Variants in AGAP1 observed in about 807,000 individuals in gnomAD.
AGAP1 encodes ArfGAP with GTPase domain, ankyrin repeat and PH domain 1.
A neutral mutation model predicts 105.3 loss-of-function variants in AGAP1; 29 were observed. The observed-to-expected ratio is 0.28, with a 90% CI of 0.21 to 0.38. The LOEUF (loss-of-function observed/expected upper bound fraction) is 0.38. Among genes scored for constraint, AGAP1 ranks in the 10% least tolerant of loss-of-function variants. The pLI, the probability that AGAP1 is intolerant of heterozygous loss-of-function variation, is 1.00. For synonymous variants in AGAP1, 509 were observed against 485.9 expected (o/e 1.05, Z -0.63); for missense variants, 998 against 1,165.1 (o/e 0.86, Z 2.09).
rs2060058810 is a variant in AGAP1, at chr2:236,129,779, A to G, written c.*5657A>G. The G allele has an allele frequency of 6.6e-6, 1 of 152,204 alleles. No individual in the cohort carries two copies. Among genetic ancestry groups the G allele is most frequent in the Non-Finnish European group, 1.5e-5 (1 of 68,050 alleles). The allele number at this position is 152,204 out of a possible 1,614,324, so 9.4% of individuals were successfully genotyped here. ...GTCCGCATTGGCAGGTGATTCTGGA[A>G]AGGGATTCTGGGAAACCAACAAGTC... On this transcript the variant is annotated 3_prime_UTR_variant, in exon 18 of 18. Transcript: ENST00000304032. This position sits in a 1 kb window ranked among gnomAD's most constrained non-coding sequence, Gnocchi z 6.2.
intron 3 of AGAP1, among the ~76,000 whole-genome samples, chr2:235,730,291 A>G (rs1022284529): frequency 6.6e-6 from 1 of 152,068 alleles, no homozygotes; most frequent in Non-Finnish European, 1.5e-5. Flanking sequence ...GTAACTGCCA[A>G]GGGTCCCCTG....
At position 235,803,869 on chromosome 2, in the gene AGAP1, G is replaced by GA. The variant is rs1203375795; in HGVS notation, c.958-3362dup. On this transcript the variant is annotated intron_variant, in intron 8 of 17. Transcript: ENST00000304032. ...ATATTTTATTTCACTTATTTCTTTG[G>GA]AAAAAAAACAAACATTAAAAGACTG... 2.6e-5 allele frequency among the ~76,000 whole-genome samples: 4 copies of GA among 151,134 alleles called. No homozygotes were observed. In the South Asian group the frequency reaches 8.4e-4, roughly 32 times the overall value.
rs2125918986 is a variant in AGAP1 at position 236,105,537 on chromosome 2, G to T, written c.2115-14655G>T. ...CTCATGTGGAGGAGAGAGGAGAGGG[G>T]CATCTCTCGTGTCTTTTTTTTTTTT... On this transcript the variant is annotated intron_variant, in intron 16 of 17. Transcript: ENST00000304032. The surrounding 1 kb of genome is among the most constrained non-coding windows in gnomAD (Gnocchi z 4.2). 6.6e-6 allele frequency among the ~76,000 whole-genome samples: 1 copy of T among 150,874 alleles called. No homozygotes were observed. Among genetic ancestry groups the T allele is most frequent in the South Asian group, 2.1e-4 (1 of 4,730 alleles).
intron 1 of AGAP1, among the ~76,000 whole-genome samples, chr2:235,678,310 G>C (rs1948869379): frequency 6.6e-6 from 1 of 152,220 alleles, no homozygotes; most frequent in Non-Finnish European, 1.5e-5. Flanking sequence ...CACTCTGGAT[G>C]TGTAATTTGG....
chr2:235,991,540 C>G (rs966806231), intron 13 of AGAP1, among the ~76,000 whole-genome samples: 5 of 152,130 alleles, frequency 3.3e-5, no homozygotes, highest in African/African-American at 1.2e-4. Flanking sequence ...TGAGACCCCA[C>G]CTCTTAAAAA....
chr2:235,870,256 C>T (rs569797842), intron 9 of AGAP1, among the ~76,000 whole-genome samples: 1 of 152,310 alleles, frequency 6.6e-6, no homozygotes, highest in Non-Finnish European at 1.5e-5. Flanking sequence ...GTGGTCCTCC[C>T]CATCGGAAGA....
chr2:235,573,189 C>T (rs1251623139), intron 1 of AGAP1, among the ~76,000 whole-genome samples: 2 of 150,170 alleles, frequency 1.3e-5, no homozygotes, highest in Non-Finnish European at 3.0e-5. Flanking sequence ...CACCCTGGAT[C>T]TCCTGGGCTC....
chr2:235,638,965 A>G (rs1293883716), intron 1 of AGAP1, among the ~76,000 whole-genome samples: 4 of 152,196 alleles, frequency 2.6e-5, no homozygotes, highest in African/African-American at 9.7e-5. Context: ...AAATGTCTTC[A>G]GGCAATCCAG....
intron 10 of AGAP1, among the ~76,000 whole-genome samples, chr2:235,902,543 T>G (rs747643915): frequency 3.9e-5 from 6 of 152,196 alleles, no homozygotes; most frequent in Non-Finnish European, 8.8e-5. Context: ...TCATATAACA[T>G]CAAAAATTTT....
At chr2:235,768,608 G>A (rs898061760) in intron 6 of AGAP1, among the ~76,000 whole-genome samples, 3 of 152,242 alleles carry the variant, frequency 2.0e-5, no homozygotes, top group Non-Finnish European at 4.4e-5. Flanking sequence ...TCTGTGGGGA[G>A]CCAATGGGTA....
intron 15 of AGAP1, among the ~76,000 whole-genome samples, chr2:236,048,117 A>C (rs2057777895): frequency 1.3e-5 from 2 of 152,246 alleles, no homozygotes; most frequent in African/African-American, 2.4e-5. Context: ...CAGAGTAAGC[A>C]TTGCCTATTC....
intron 13 of AGAP1, among the ~76,000 whole-genome samples, chr2:236,029,446 T>C (rs531802377): frequency 2.0e-5 from 3 of 151,754 alleles, no homozygotes; most frequent in Admixed American, 2.0e-4. Flanking sequence ...CAGCCATTTT[T>C]TTTTTTTTTT....
At position 235,700,988 on chromosome 2, in the gene AGAP1, TTATATATG is replaced by T. The variant is rs1950223923; in HGVS notation, c.164-8190_164-8183del. Among the ~76,000 whole-genome samples, 6 of 86,922 alleles carry T rather than the reference TTATATATG, an allele frequency of 6.9e-5. No homozygotes were observed. The East Asian group carries it at 3.1e-3, about 45-fold the overall frequency. 57.0% of individuals were successfully genotyped at this position (86,922 alleles called of 152,430 possible). ...TATGTATATATTATATATGTATATATTATATATGCTATAATATAGTTATATGTATATAT... is the reference window on the plus strand; with the variant it reads ...TATGTATATATTATATATGTATATATCTATAATATAGTTATATGTATATAT... On this transcript the variant is annotated intron_variant, in intron 1 of 17. Transcript: ENST00000304032. The surrounding 1 kb of genome is among the most constrained non-coding windows in gnomAD (Gnocchi z 6.1).
At position 236,089,592 on chromosome 2, in the gene AGAP1, G is replaced by A. The variant is rs929331676; in HGVS notation, c.2115-30600G>A. 2.0e-5 allele frequency among the ~76,000 whole-genome samples: 3 copies of A among 152,174 alleles called. No homozygotes were observed. Among genetic ancestry groups the A allele is most frequent in the Admixed American group, 2.0e-4 (3 of 15,282 alleles). ...ATGCTCACCCCGAAGTCCTTCTTTG[G>A]CACTGGAGAACAAAGAAGAGTTTGC... On this transcript the variant is annotated intron_variant, in intron 16 of 17. Coordinates refer to ENST00000304032, the MANE Select transcript of AGAP1 (RefSeq NM_001037131.3). This position sits in a 1 kb window ranked among gnomAD's most constrained non-coding sequence, Gnocchi z 5.6.
chr2:235,851,248 CGGT>C (rs1473281883), intron 9 of AGAP1, among the ~76,000 whole-genome samples: 2 of 152,202 alleles, frequency 1.3e-5, no homozygotes, highest in Non-Finnish European at 2.9e-5. Flanking sequence ...TATAGACCAT[CGGT>C]GCCCACCTGG....
intron 1 of AGAP1, among the ~76,000 whole-genome samples, chr2:235,668,143 C>T (rs552896621): frequency 1.4e-4 from 22 of 152,048 alleles, no homozygotes; most frequent in East Asian, 1.9e-4. Flanking sequence ...ATGTTAAGGT[C>T]GAGGCCACAG....
At chr2:235,561,211 T>C (rs1944139177) in intron 1 of AGAP1, among the ~76,000 whole-genome samples, 1 of 152,204 alleles carries the variant, frequency 6.6e-6, no homozygotes, top group Non-Finnish European at 1.5e-5. Flanking sequence ...CTTCAGTGAA[T>C]TGTCCACAGA....
intron 13 of AGAP1, among the ~76,000 whole-genome samples, chr2:235,987,386 T>C (rs1284608572): frequency 6.6e-6 from 1 of 152,080 alleles, no homozygotes. Context: ...TTGATTTTTC[T>C]CTCTTCTTCT....
rs1944337798 is a variant in AGAP1, at chr2:235,566,113, G to T, written c.163+71264G>T. Among the ~76,000 whole-genome samples, 2 of 151,752 alleles carry T rather than the reference G, an allele frequency of 1.3e-5. No individual in the cohort carries two copies. The highest frequency in any genetic ancestry group is 2.9e-5 in the Non-Finnish European group (2 of 67,960). The stretch of plus-strand genomic sequence containing the variant: ...TTTATTATTATTATTATTATTTGAG[G>T]TGGAGTTTCACTCTGTCGCCCAGGC... On this transcript the variant is annotated intron_variant, in intron 1 of 17. Transcript: ENST00000304032. The surrounding 1 kb of genome is among the most constrained non-coding windows in gnomAD (Gnocchi z 5.2).
Sources: gnomAD v4.1 joint callset for allele counts (sites outside exome capture counted in the v4.1 genomes callset) on GRCh38, gnomAD v4.1.1 for gene constraint, Gnocchi (gnomAD v3.1) non-coding constraint, MANE v1.5 for transcripts, NCBI Gene and HGNC (gene_info 2026-07-23, HGNC 2026-07-21) for gene names.